Variants in ADGRF1 observed in about 807,000 individuals in gnomAD.
The protein encoded by ADGRF1 is adhesion G protein-coupled receptor F1.
A neutral mutation model predicts 87.2 loss-of-function variants in ADGRF1; 85 were observed. The ratio of observed to expected loss-of-function variants is 0.97; its 90% CI spans 0.82 to 1.17. ADGRF1 has a LOEUF of 1.17. ADGRF1 is among the 50% of genes most tolerant of loss of function. The pLI is 0.00. For missense variants in ADGRF1, 1,169 were observed against 1,077.2 expected, an observed-to-expected ratio of 1.09 and a Z score of -1.19; for synonymous variants, 430 against 408.8, an observed-to-expected ratio of 1.05 and a Z score of -0.63.
chr6:47,037,648 G>A (rs1780625921), intron 1 of ADGRF1, among the ~76,000 whole-genome samples: 1 of 152,068 alleles, frequency 6.6e-6, no homozygotes, highest in South Asian at 2.1e-4. Flanking sequence ...GGGACTATAG[G>A]CACACACCAC....
chr6:47,037,013 A>G (rs1780606578), intron 1 of ADGRF1, among the ~76,000 whole-genome samples: 1 of 152,226 alleles, frequency 6.6e-6, no homozygotes, highest in East Asian at 1.9e-4. Context: ...TTTCTAAGTT[A>G]AAAGGAAAGT....
At position 47,009,282 on chromosome 6, in the gene ADGRF1, A is replaced by G. The variant is rs968903575; in HGVS notation, c.2153T>C (p.Ile718Thr). Residue 718 changes from isoleucine to threonine, a missense_variant, in exon 11 of 15, where the codon ATT becomes ACT. By Grantham distance (89) the Ile-to-Thr change is moderately conservative. Transcript: ENST00000371253. ...GCPLIISVIT[I>T]AVTQPSNTYK... Reference sequence around the variant, plus strand: ...GGTATTGCTAGGTTGCGTGACAGCAATGGTAATGACAGATATAATGAGAGG... The same window carrying G: ...GGTATTGCTAGGTTGCGTGACAGCAGTGGTAATGACAGATATAATGAGAGG... The G allele has an allele frequency of 6.2e-7, 1 of 1,614,086 alleles. No homozygotes were observed. Among genetic ancestry groups the G allele is most frequent in the Non-Finnish European group, 8.5e-7 (1 of 1,180,042 alleles).
At chr6:47,018,690 T>C in intron 7 of ADGRF1, 1 of 868,584 alleles carries the variant, frequency 1.2e-6, no homozygotes, top group South Asian at 1.5e-5. Context: ...GGTGTGTGGG[T>C]CATTTGAGGC....
chr6:47,012,001 C>A lies in ADGRF1; in HGVS notation c.1116+6G>T. ...AGTGAGCCCTTCAAGCACAGGCAGA[C>A]CATACCTCCATTGTTGAATTGGACA... On this transcript the variant is annotated splice_donor_region_variant and intron_variant, in intron 10 of 14. Coordinates refer to ENST00000371253, the MANE Select transcript of ADGRF1 (RefSeq NM_153840.4). 6.2e-7 allele frequency: 1 copy of A among 1,611,722 alleles called. No homozygotes were observed. The highest frequency in any genetic ancestry group is 8.5e-7 in the Non-Finnish European group (1 of 1,178,082).
intron 9 of ADGRF1, 173 bp downstream of exon 9, chr6:47,014,508 A>C: frequency 7.2e-7 from 1 of 1,385,684 alleles, no homozygotes; most frequent in Non-Finnish European, 9.3e-7. Context: ...CCCAGACGCT[A>C]CCACTCATGC....
chr6:47,000,394 A>G, intron 14 of ADGRF1, 99 bp from the exon 15 acceptor site: 1 of 839,088 alleles, frequency 1.2e-6, no homozygotes, highest in Non-Finnish European at 1.9e-6. Context: ...CACAACTAGG[A>G]ACAGTTTTTA....
At chr6:47,012,216 G>A in intron 9 of ADGRF1, 21 bp from the exon 10 acceptor site, 2 of 1,602,450 alleles carry the variant, frequency 1.2e-6, no homozygotes, top group Non-Finnish European at 1.7e-6. Context: ...AAATGGTTAA[G>A]TTCTAGAAAA....
At position 47,025,853 on chromosome 6, in the gene ADGRF1, C is replaced by G; in HGVS notation, c.277+1G>C. 1 of 1,579,872 alleles carries G rather than the reference C, an allele frequency of 6.3e-7. No individual in the cohort carries two copies. Among genetic ancestry groups the G allele is most frequent in the Non-Finnish European group, 8.6e-7 (1 of 1,158,362 alleles). On this transcript the variant is annotated splice_donor_variant, in intron 4 of 14. Coordinates refer to ENST00000371253, the MANE Select transcript of ADGRF1 (RefSeq NM_153840.4). LOFTEE classifies it high-confidence loss of function. ...CATCCAGTCACCGAGAGCCACCTTA[C>G]CTGTGGTAGCCTTTGCTCTGATAAT...
intron 7 of ADGRF1, chr6:47,017,233 A>G (rs1779911889): frequency 6.6e-6 from 1 of 152,210 alleles, no homozygotes; most frequent in Non-Finnish European, 1.5e-5. Flanking sequence ...AGGAGATGAT[A>G]TTGGAGTGGT....
At chr6:47,012,712 A>C (rs1394183097) in intron 9 of ADGRF1, 2 of 985,428 alleles carry the variant, frequency 2.0e-6, no homozygotes, top group Admixed American at 6.1e-5. Context: ...AGAGAGAGAA[A>C]CATACATGGA....
intron 6 of ADGRF1, among the ~76,000 whole-genome samples, chr6:47,021,276 T>C (rs1660956895): frequency 6.6e-6 from 1 of 152,218 alleles, no homozygotes; most frequent in African/African-American, 2.4e-5. Context: ...GTTGAGAGTT[T>C]TGCTCAGTAA....
Position 47,014,759 on chromosome 6 carries a change from G to A in ADGRF1, c.849C>T (p.Ile283=), listed in dbSNP as rs759025453. The change falls in exon 9 of 15, where the codon ATC becomes ATT. Residue 283 remains isoleucine (I), a synonymous_variant. Coordinates refer to ENST00000371253, the MANE Select transcript of ADGRF1 (RefSeq NM_153840.4). ...ACCCAGAGGACTCACACTTGGCTGT[G>A]ATGTTTCCCCTGTAGCCACTGCTGC... ...LPCSSGYRGN[I]TAKCESSGWQ... 6.2e-7 allele frequency: 1 copy of A among 1,614,000 alleles called. No homozygotes were observed. Among genetic ancestry groups the A allele is most frequent in the Non-Finnish European group, 8.5e-7 (1 of 1,179,970 alleles).
At chr6:47,023,996 A>C in intron 5 of ADGRF1, 48 bp downstream of exon 5, 1 of 1,538,646 alleles carries the variant, frequency 6.5e-7, no homozygotes. Context: ...TCTCTGTTGC[A>C]TGTTGGGGTG....
rs1406075202 is a variant in ADGRF1, at chr6:47,022,022, G to A, written c.488C>T (p.Thr163Ile). The change falls in exon 6 of 15, where the codon ACA (threonine) becomes ATA (isoleucine). Residue 163 changes from threonine (T) to isoleucine (I), a missense_variant. Transcript: ENST00000371253. ...WGTFKINERF[T>I]NDLLNSSSAI... ...AGAAGATGAATTCAAAAGGTCATTT[G>A]TAAACCTTTCATTAATTTTGAAAGT... 2 of 1,585,706 alleles carry A rather than the reference G, an allele frequency of 1.3e-6. No individual in the cohort carries two copies. The highest frequency in any genetic ancestry group is 1.7e-6 in the Non-Finnish European group (2 of 1,169,594).
chr6:47,020,602 T>C, intron 7 of ADGRF1, 129 bp downstream of exon 7: 5 of 1,533,396 alleles, frequency 3.3e-6, no homozygotes. Flanking sequence ...GTTCACTTAG[T>C]AAAAATCCTA....
intron 1 of ADGRF1, among the ~76,000 whole-genome samples, chr6:47,029,826 A>G (rs1780356068): frequency 6.6e-6 from 1 of 152,258 alleles, no homozygotes; most frequent in South Asian, 2.1e-4. Flanking sequence ...CCACATTTCC[A>G]GTGCTCAGGG....
In ADGRF1 at chr6:47,009,539, C is replaced by T. The variant is rs746709993; in HGVS notation, c.1896G>A (p.Leu632=). 5 of 1,614,086 alleles carry T rather than the reference C, an allele frequency of 3.1e-6. No homozygotes were observed. The Admixed American group carries it at 8.3e-5, about 27-fold the overall frequency. The part of the protein sequence containing the change: ...TRRICMVNIA[L]SLLIADVWFI... The stretch of plus-strand genomic sequence containing the variant: ...ACCAGACATCAGCAATCAAGAGGGA[C>T]AGGGCTATGTTCACCATGCAAATAC... Residue 632 remains leucine, a synonymous_variant, in exon 11 of 15, where the codon CTG becomes CTA. Coordinates refer to ENST00000371253, the MANE Select transcript of ADGRF1 (RefSeq NM_153840.4).
At chr6:47,019,845 C>A in intron 7 of ADGRF1, 3 of 984,616 alleles carry the variant, frequency 3.0e-6, no homozygotes, top group Non-Finnish European at 3.6e-6. Flanking sequence ...GTAAACATGG[C>A]TAACTAAACA....
At position 47,009,763 on chromosome 6, in the gene ADGRF1, T is replaced by C; in HGVS notation, c.1672A>G (p.Ile558Val). The C allele has an allele frequency of 6.2e-7, 1 of 1,614,246 alleles. No individual in the cohort carries two copies. Among genetic ancestry groups the C allele is most frequent in the Non-Finnish European group, 8.5e-7 (1 of 1,180,038 alleles). The change falls in exon 11 of 15, where the codon ATC becomes GTC. Residue 558 changes from isoleucine to valine, a missense_variant. By Grantham distance (29) the Ile-to-Val change is conservative. Coordinates refer to ENST00000371253, the MANE Select transcript of ADGRF1 (RefSeq NM_153840.4). ...GCHLVNETQD[I>V]VTCQCTHLTS... ...AAGTGAGTACATTGGCACGTCACGATGTCTTGAGTTTCATTCACTAGGTGG... is the reference window on the plus strand; with the variant it reads ...AAGTGAGTACATTGGCACGTCACGACGTCTTGAGTTTCATTCACTAGGTGG...
Sources: gnomAD v4.1 joint callset for allele counts (sites outside exome capture counted in the v4.1 genomes callset) on GRCh38, gnomAD v4.1.1 for gene constraint, MANE v1.5 for transcripts, NCBI Gene and HGNC (gene_info 2026-07-23, HGNC 2026-07-21) for gene names.